Variants in BTBD9 observed in about 807,000 individuals in gnomAD.
The protein encoded by BTBD9 is BTB/POZ domain-containing protein 9.
In BTBD9, 49 loss-of-function variants were observed where a neutral mutation model predicts 64.3. The ratio of observed to expected loss-of-function variants is 0.76; its 90% CI spans 0.61 to 0.97. BTBD9 has a LOEUF of 0.97. Among genes scored for constraint, BTBD9 ranks in the 50% least tolerant of loss-of-function variants. The probability of loss-of-function intolerance (pLI) is 0.00; values close to 1 mark genes in which losing one functional copy is unlikely to be tolerated. For missense variants in BTBD9, 598 were observed against 762.1 expected (o/e 0.78, Z 2.53); for synonymous variants, 260 against 274.7 (o/e 0.95, Z 0.53).
intron 6 of BTBD9, among the ~76,000 whole-genome samples, chr6:38,392,626 G>A (rs1251754649): frequency 6.6e-6 from 1 of 152,138 alleles, no homozygotes; most frequent in Admixed American, 6.5e-5. Flanking sequence ...AAAAGAAAAA[G>A]TTTCAGAGAT....
At chr6:38,426,586 G>A (rs1445833411) in intron 6 of BTBD9, among the ~76,000 whole-genome samples, 2 of 151,908 alleles carry the variant, frequency 1.3e-5, no homozygotes, top group Non-Finnish European at 2.9e-5. Context: ...TCCGGATCCG[G>A]CAGGGTGTCC....
Position 38,433,040 on chromosome 6 carries a change from T to G in BTBD9, c.1155-87947A>C, listed in dbSNP as rs557699588. ...ATATTCTGTTATAGCAACAGAAAAC[T>G]GAATAAGATAGCCCTATATGATCAG... On this transcript the variant is annotated intron_variant, in intron 6 of 10. Coordinates refer to ENST00000481247, the MANE Select transcript of BTBD9 (RefSeq NM_001099272.2). Among the ~76,000 whole-genome samples the G allele has an allele frequency of 6.6e-5, 10 of 152,106 alleles. No homozygotes were observed. In the South Asian group the frequency reaches 2.1e-3, roughly 32 times the overall value.
rs1468112033 is a variant in BTBD9 at position 38,594,266 on chromosome 6, T to C, written c.247A>G (p.Thr83Ala). ...QPEAEIPLQD[T>A]TAEAFTMLLK... ...AGCATTGTGAATGCTTCTGCAGTGG[T>C]GTCTTGGAGAGGAATTTCTGCTTCA... is the stretch of plus-strand genomic sequence containing the variant. The change falls in exon 3 of 11, where the codon ACC becomes GCC. Residue 83 changes from threonine (T) to alanine (A), a missense_variant. Thr to Ala is a moderately conservative substitution (Grantham distance 58). Transcript: ENST00000481247. 1 of 1,614,114 alleles carries C rather than the reference T, an allele frequency of 6.2e-7. No individual in the cohort carries two copies. Among genetic ancestry groups the C allele is most frequent in the Non-Finnish European group, 8.5e-7 (1 of 1,179,972 alleles).
At chr6:38,289,449 T>C (rs900907316) in intron 7 of BTBD9, among the ~76,000 whole-genome samples, 2 of 152,196 alleles carry the variant, frequency 1.3e-5, no homozygotes, top group East Asian at 1.9e-4. Flanking sequence ...AGCTGGTAGG[T>C]ACATAGGTAT....
chr6:38,376,851 A>T (rs1765711866), intron 6 of BTBD9, among the ~76,000 whole-genome samples: 1 of 152,192 alleles, frequency 6.6e-6, no homozygotes, highest in Admixed American at 6.5e-5. Context: ...AGTACCTTCA[A>T]CAGACTGGAT....
chr6:38,298,342 T>C (rs748750702), intron 7 of BTBD9, among the ~76,000 whole-genome samples: 1 of 152,176 alleles, frequency 6.6e-6, no homozygotes, highest in Non-Finnish European at 1.5e-5. Flanking sequence ...CTGACCAATA[T>C]AAAAGACCTT....
At chr6:38,188,999 A>C (rs1217720619) in intron 10 of BTBD9, among the ~76,000 whole-genome samples, 1 of 152,160 alleles carries the variant, frequency 6.6e-6, no homozygotes, top group Non-Finnish European at 1.5e-5. Flanking sequence ...TAGCCAACAG[A>C]ATAGCCAGCT....
In BTBD9 at chr6:38,168,826, G is replaced by C. The variant is rs1766627445; in HGVS notation, c.*6159C>G. On this transcript the variant is annotated 3_prime_UTR_variant, in exon 11 of 11. Coordinates refer to ENST00000481247, the MANE Select transcript of BTBD9 (RefSeq NM_001099272.2). ...GACAGGCTTCGCAAAAGCAGCTCTT[G>C]GGCCGAGCTCCAGGCCTAGCCCTGA... 6.6e-6 allele frequency: 1 copy of C among 152,254 alleles called. No individual in the cohort carries two copies. Among genetic ancestry groups the C allele is most frequent in the African/African-American group, 2.4e-5 (1 of 41,450 alleles). The allele number at this position is 152,254 out of a possible 1,614,324, so 9.4% of individuals were successfully genotyped here.
chr6:38,403,588 T>A (rs969925199), intron 6 of BTBD9, among the ~76,000 whole-genome samples: 2 of 152,192 alleles, frequency 1.3e-5, no homozygotes, highest in East Asian at 3.8e-4. Context: ...TGAGTGTTGA[T>A]GAGAATGTTG....
intron 6 of BTBD9, among the ~76,000 whole-genome samples, chr6:38,561,127 T>C (rs530502699): frequency 6.6e-6 from 1 of 152,322 alleles, no homozygotes; most frequent in South Asian, 2.1e-4. Context: ...CAAACGGTAA[T>C]TCTGTTTCTA....
At chr6:38,389,171 T>C (rs1231538471) in intron 6 of BTBD9, among the ~76,000 whole-genome samples, 2 of 151,976 alleles carry the variant, frequency 1.3e-5, no homozygotes, top group Non-Finnish European at 2.9e-5. Context: ...AGACATATAT[T>C]ATATCTATGG....
At chr6:38,345,189 T>C (rs1164138539) in intron 6 of BTBD9, 96 bp from the exon 7 acceptor site, 4 of 700,660 alleles carry the variant, frequency 5.7e-6, no homozygotes, top group Non-Finnish European at 4.8e-6. Flanking sequence ...AAACATAGAG[T>C]GCACCAGGAT....
At chr6:38,554,433 C>T (rs1419378304) in intron 6 of BTBD9, among the ~76,000 whole-genome samples, 1 of 152,166 alleles carries the variant, frequency 6.6e-6, no homozygotes, top group Non-Finnish European at 1.5e-5. Context: ...TAACGTGTTG[C>T]TATTTAAATT....
chr6:38,350,460 T>C (rs1764457217), intron 6 of BTBD9, among the ~76,000 whole-genome samples: 1 of 152,218 alleles, frequency 6.6e-6, no homozygotes, highest in African/African-American at 2.4e-5. Context: ...AGTTAATCCT[T>C]AACCTTTGCC....
chr6:38,422,643 A>G (rs1334896046), intron 6 of BTBD9, among the ~76,000 whole-genome samples: 3 of 152,196 alleles, frequency 2.0e-5, no homozygotes, highest in Non-Finnish European at 4.4e-5. Context: ...TTCTAAGACT[A>G]TATCTTCTAT....
intron 6 of BTBD9, among the ~76,000 whole-genome samples, chr6:38,374,297 G>GTATATATATA (rs1468972879): frequency 3.2e-4 from 17 of 53,682 alleles, no homozygotes; most frequent in South Asian, 7.5e-4. Flanking sequence ...ATATATATAT[G>GTATATATATA]TATATATATG....
intron 10 of BTBD9, among the ~76,000 whole-genome samples, chr6:38,176,957 TAAAGCTTCTCATAACCC>T (rs1344494313): frequency 1.3e-5 from 2 of 152,116 alleles, no homozygotes; most frequent in African/African-American, 2.4e-5. Flanking sequence ...CCCCCCCCAC[TAAAGCTTCTCATAACCC>T]AGCAAATACG....
chr6:38,441,192 C>G (rs1769013615), intron 6 of BTBD9, among the ~76,000 whole-genome samples: 1 of 152,120 alleles, frequency 6.6e-6, no homozygotes, highest in Admixed American at 6.6e-5. Context: ...GCCAAGGTAG[C>G]CTGTGTCCCA....
chr6:38,562,356 GTC>G (rs997945696), intron 6 of BTBD9, among the ~76,000 whole-genome samples: 3 of 152,080 alleles, frequency 2.0e-5, no homozygotes, highest in African/African-American at 7.2e-5. Context: ...CATTTCTAGT[GTC>G]CACCAGGTAC....
Sources: allele counts gnomAD v4.1 joint callset (sites outside exome capture counted in the v4.1 genomes callset), GRCh38; gene constraint gnomAD v4.1.1; transcripts MANE v1.5; gene names NCBI Gene and HGNC (gene_info 2026-07-23, HGNC 2026-07-21).